MATCAP2: variants seen among roughly 807,000 people sequenced by gnomAD.
The protein encoded by MATCAP2 is putative tyrosine carboxypeptidase MATCAP2.
chr7:36,336,956 C>T, the MATCAP2 span, among the ~76,000 whole-genome samples: 1 of 151,466 alleles, frequency 6.6e-6, no homozygotes, highest in Non-Finnish European at 1.5e-5. Flanking sequence ...AATAGCCAGA[C>T]ATGGTGGCAC....
chr7:36,329,945 T>C, the MATCAP2 span, among the ~76,000 whole-genome samples: 110 of 152,300 alleles, frequency 7.2e-4, no homozygotes, highest in African/African-American at 2.5e-3. Flanking sequence ...ACATCACTTA[T>C]GTAGTATTCT....
chr7:36,363,461 T>C, the MATCAP2 span, among the ~76,000 whole-genome samples: 1 of 152,256 alleles, frequency 6.6e-6, no homozygotes, highest in Non-Finnish European at 1.5e-5. Context: ...AAGTGAAATA[T>C]GATTTTCCCA....
chr7:36,357,640 T>G, the MATCAP2 span: 1 of 1,331,040 alleles, frequency 7.5e-7, no homozygotes, highest in Non-Finnish European at 1.0e-6. Flanking sequence ...AGATACCAGA[T>G]GAAGCAAACT....
chr7:36,353,466 CT>C, the MATCAP2 span, among the ~76,000 whole-genome samples: 1 of 147,828 alleles, frequency 6.8e-6, no homozygotes, highest in East Asian at 2.0e-4. Context: ...TGGGAAGATA[CT>C]CCCTGTTTAT....
the MATCAP2 span, among the ~76,000 whole-genome samples, chr7:36,351,122 T>C: frequency 6.6e-6 from 1 of 152,140 alleles, no homozygotes; most frequent in Admixed American, 6.5e-5. Flanking sequence ...TCTGGCTGGG[T>C]GTGGTAGCTC....
chr7:36,374,492 A>T, the MATCAP2 span, among the ~76,000 whole-genome samples: 3 of 152,196 alleles, frequency 2.0e-5, no homozygotes, highest in Non-Finnish European at 2.9e-5. Flanking sequence ...ACGTTCTAAG[A>T]ACAAGATTCA....
At chr7:36,348,975 AAC>A in the MATCAP2 span, among the ~76,000 whole-genome samples, 1 of 152,206 alleles carries the variant, frequency 6.6e-6, no homozygotes, top group African/African-American at 2.4e-5. Context: ...AACAAAGAAA[AAC>A]ACACTTCTCT....
chr7:36,389,650 T>C, the MATCAP2 span, among the ~76,000 whole-genome samples: 1 of 152,004 alleles, frequency 6.6e-6, no homozygotes, highest in Non-Finnish European at 1.5e-5. Flanking sequence ...CCCGACGCCG[T>C]TGGAGAGCAG....
chr7:36,341,440 C>T, the MATCAP2 span, among the ~76,000 whole-genome samples: 4 of 152,154 alleles, frequency 2.6e-5, no homozygotes, highest in Admixed American at 6.6e-5. Flanking sequence ...ATGGGAAATG[C>T]AGGTTTTAAT....
At chr7:36,329,000 G>A in the MATCAP2 span, among the ~76,000 whole-genome samples, 4 of 151,956 alleles carry the variant, frequency 2.6e-5, no homozygotes, top group African/African-American at 9.7e-5. Context: ...CCAAGATCGC[G>A]CCATTGCACC....
the MATCAP2 span, among the ~76,000 whole-genome samples, chr7:36,370,800 A>G: frequency 6.6e-6 from 1 of 152,212 alleles, no homozygotes; most frequent in Non-Finnish European, 1.5e-5. Flanking sequence ...GATTTTAATA[A>G]TTTATGTTTA....
At chr7:36,342,497 A>G in the MATCAP2 span, among the ~76,000 whole-genome samples, 4 of 152,232 alleles carry the variant, frequency 2.6e-5, no homozygotes, top group Non-Finnish European at 4.4e-5. Context: ...AGCCTGGACC[A>G]GGAAGCTTGA....
At chr7:36,381,643 T>G in the MATCAP2 span, among the ~76,000 whole-genome samples, 1 of 146,290 alleles carries the variant, frequency 6.8e-6, no homozygotes, top group Non-Finnish European at 1.5e-5. Context: ...TGCACTCCAG[T>G]CTAGGTGACA....
At chr7:36,381,306 T>C in the MATCAP2 span, among the ~76,000 whole-genome samples, 2 of 152,046 alleles carry the variant, frequency 1.3e-5, no homozygotes, top group African/African-American at 4.8e-5. Context: ...TGTGTGGTCA[T>C]ACATGTGGGT....
At chr7:36,375,102 G>C in the MATCAP2 span, among the ~76,000 whole-genome samples, 1 of 152,272 alleles carries the variant, frequency 6.6e-6, no homozygotes, top group East Asian at 1.9e-4. Context: ...CTAGATCCTT[G>C]AGGAATCGCC....
the MATCAP2 span, among the ~76,000 whole-genome samples, chr7:36,346,797 G>C: frequency 6.6e-6 from 1 of 152,188 alleles, no homozygotes; most frequent in East Asian, 1.9e-4. Context: ...GTGTCGCTCT[G>C]TTGCCCGGGC....
chr7:36,382,207 T>C, the MATCAP2 span, among the ~76,000 whole-genome samples: 1 of 144,932 alleles, frequency 6.9e-6, no homozygotes, highest in Non-Finnish European at 1.5e-5. Context: ...CTCGGGAGGC[T>C]GAGGCAGGAG....
chr7:36,330,968 T>C, the MATCAP2 span: 1 of 1,517,870 alleles, frequency 6.6e-7, no homozygotes, highest in Non-Finnish European at 9.2e-7. Context: ...CTATGTGCCA[T>C]GGCTTCTACT....
At chr7:36,363,683 T>G in the MATCAP2 span, among the ~76,000 whole-genome samples, 1 of 152,212 alleles carries the variant, frequency 6.6e-6, no homozygotes, top group Non-Finnish European at 1.5e-5. Context: ...GAATCTTGGC[T>G]CTGTTTATTA....
Sources: allele counts gnomAD v4.1 joint callset (sites outside exome capture counted in the v4.1 genomes callset), GRCh38; gene constraint gnomAD v4.1.1; transcripts MANE v1.5; gene names NCBI Gene and HGNC (gene_info 2026-07-23, HGNC 2026-07-21).